NHSL1: variants seen among roughly 807,000 people sequenced by gnomAD.
NHSL1 encodes NHS-like protein 1.
In NHSL1, 48 loss-of-function variants were observed where a neutral mutation model predicts 95.0. That is an observed-to-expected ratio of 0.51 (90% CI 0.40 to 0.64). The LOEUF is 0.64. Among genes scored for constraint, NHSL1 ranks in the 30% least tolerant of loss-of-function variants. NHSL1 has a pLI of 0.00. For synonymous variants in NHSL1, 783 were observed against 833.9 expected, an observed-to-expected ratio of 0.94 and a Z score of 1.05; for missense variants, 1,971 against 2,077.7, an observed-to-expected ratio of 0.95 and a Z score of 1.00.
chr6:138,451,226 A>T (rs890583571), intron 3 of NHSL1, among the ~76,000 whole-genome samples: 1 of 152,010 alleles, frequency 6.6e-6, no homozygotes, highest in Non-Finnish European at 1.5e-5. Context: ...TGTACCTTGT[A>T]CCTTCCATGC....
intron 1 of NHSL1, among the ~76,000 whole-genome samples, chr6:138,673,010 C>A (rs2114766098): frequency 7.4e-6 from 1 of 135,064 alleles, no homozygotes; most frequent in South Asian, 2.7e-4. Flanking sequence ...AAGACTGTCT[C>A]ATAGATAGCT....
At chr6:138,668,979 T>C (rs1288581621) in intron 1 of NHSL1, among the ~76,000 whole-genome samples, 1 of 152,116 alleles carries the variant, frequency 6.6e-6, no homozygotes, top group Non-Finnish European at 1.5e-5. Context: ...GCAAGGGAAA[T>C]TGGCCTCATG....
intron 1 of NHSL1, among the ~76,000 whole-genome samples, chr6:138,515,813 T>C (rs530810819): frequency 2.0e-5 from 3 of 152,276 alleles, no homozygotes; most frequent in Admixed American, 1.3e-4. Flanking sequence ...GATGGGTAGG[T>C]AAACGTTTGC....
At chr6:138,429,592 G>A (rs879181350) in intron 7 of NHSL1, 119 bp downstream of exon 7, 69 of 883,008 alleles carry the variant, frequency 7.8e-5, no homozygotes, top group Non-Finnish European at 1.1e-4. Flanking sequence ...CAACAGTAAA[G>A]TTAAGGAGTT....
upstream of NHSL1, among the ~76,000 whole-genome samples, chr6:138,550,294 C>A (rs1034059550): frequency 6.6e-6 from 1 of 151,958 alleles, no homozygotes; most frequent in African/African-American, 2.4e-5. Flanking sequence ...AACTGTATGT[C>A]TGAGAATAAA....
chr6:138,475,154 A>G (rs1778989178), intron 2 of NHSL1, among the ~76,000 whole-genome samples: 1 of 151,964 alleles, frequency 6.6e-6, no homozygotes, highest in Non-Finnish European at 1.5e-5. Flanking sequence ...GGTCTCAAAA[A>G]AAAAAAAAAA....
chr6:138,503,692 A>T (rs1197474610), upstream of NHSL1, among the ~76,000 whole-genome samples: 1 of 152,162 alleles, frequency 6.6e-6, no homozygotes, highest in African/African-American at 2.4e-5. Flanking sequence ...CTCATGGCTT[A>T]AGCTACTGCC....
In NHSL1 at chr6:138,490,643, C is replaced by CT. The variant is rs1022350194; in HGVS notation, c.211+5575dup. ...ATTTTAGGAAAGGTAAATCATTCTC[C>CT]TTTTTTTTTTGAGACAGTCTCACTC... On this transcript the variant is annotated intron_variant, in intron 2 of 7. Transcript: ENST00000343505. 6.4e-4 allele frequency among the ~76,000 whole-genome samples: 95 copies of CT among 148,758 alleles called. 1 individual carries two copies. The highest frequency in any genetic ancestry group is 1.5e-3 in the African/African-American group (61 of 40,766).
intron 1 of NHSL1, among the ~76,000 whole-genome samples, chr6:138,654,520 T>A (rs984559712): frequency 4.6e-5 from 7 of 152,232 alleles, no homozygotes; most frequent in Non-Finnish European, 7.3e-5. Flanking sequence ...TCATATTTTT[T>A]AAATTATTTT....
intron 1 of NHSL1, among the ~76,000 whole-genome samples, chr6:138,583,838 A>G (rs1028443945): frequency 6.6e-6 from 1 of 152,134 alleles, no homozygotes; most frequent in Non-Finnish European, 1.5e-5. Flanking sequence ...CCACTGCAAC[A>G]ACTCAATCTG....
At chr6:138,637,689 C>G (rs1400921691) in intron 1 of NHSL1, among the ~76,000 whole-genome samples, 1 of 152,032 alleles carries the variant, frequency 6.6e-6, no homozygotes, top group Non-Finnish European at 1.5e-5. Context: ...ATCATCTCAC[C>G]CCAGTTAAGA....
intron 1 of NHSL1, among the ~76,000 whole-genome samples, chr6:138,662,547 C>T (rs960025328): frequency 5.9e-5 from 9 of 152,130 alleles, no homozygotes; most frequent in African/African-American, 2.2e-4. Flanking sequence ...TCTTACATAT[C>T]GTATTATGGC....
At chr6:138,691,834 A>C (rs546971892) in intron 1 of NHSL1, 2 of 451,492 alleles carry the variant, frequency 4.4e-6, no homozygotes, top group Non-Finnish European at 8.9e-6. Context: ...AATGGGATTC[A>C]GAGCCTGAAC....
upstream of NHSL1, among the ~76,000 whole-genome samples, chr6:138,547,329 T>TAAAA (rs11314239): frequency 6.8e-6 from 1 of 146,646 alleles, no homozygotes; most frequent in Non-Finnish European, 1.5e-5. Flanking sequence ...TAGTTAGGAT[T>TAAAA]AAAAAAAAAA....
At chr6:138,659,710 G>A (rs1004397307) in intron 1 of NHSL1, among the ~76,000 whole-genome samples, 2 of 127,234 alleles carry the variant, frequency 1.6e-5, no homozygotes, top group Non-Finnish European at 3.2e-5. Flanking sequence ...TTCCTACCAC[G>A]TTTTTTTTTT....
Position 138,504,765 on chromosome 6 carries a change from C to T in NHSL1, c.17-8394G>A, listed in dbSNP as rs568940472. Reference sequence around the variant, plus strand: ...GACAAGTAGGTTTGAATAGGATTGACCAGAGGCGGGGAGAGAAAATGGTGC... The same window carrying T: ...GACAAGTAGGTTTGAATAGGATTGATCAGAGGCGGGGAGAGAAAATGGTGC... On this transcript the variant is annotated intron_variant, in intron 1 of 4. Coordinates refer to the NHSL1 transcript ENST00000342260. 2.0e-5 allele frequency among the ~76,000 whole-genome samples: 3 copies of T among 152,248 alleles called. No individual in the cohort carries two copies. In the East Asian group the frequency reaches 5.8e-4, roughly 29 times the overall value.
intron 1 of NHSL1, among the ~76,000 whole-genome samples, chr6:138,545,137 C>T (rs948173402): frequency 1.7e-4 from 26 of 151,798 alleles, no homozygotes; most frequent in Admixed American, 4.6e-4. Flanking sequence ...ATTACAGGCA[C>T]CCGCCACCAC....
intron 1 of NHSL1, among the ~76,000 whole-genome samples, chr6:138,677,547 G>A (rs539385541): frequency 1.3e-5 from 2 of 152,274 alleles, no homozygotes; most frequent in Admixed American, 6.5e-5. Context: ...ACTGTTGCAC[G>A]ATAATGAAGC....
At chr6:138,498,779 T>C (rs1051430505) in intron 1 of NHSL1, among the ~76,000 whole-genome samples, 2 of 152,128 alleles carry the variant, frequency 1.3e-5, no homozygotes, top group African/African-American at 2.4e-5. Context: ...CAGGGGATTA[T>C]CTCCACCAGA....
Sources: allele counts gnomAD v4.1 joint callset (sites outside exome capture counted in the v4.1 genomes callset), GRCh38; gene constraint gnomAD v4.1.1; transcripts MANE v1.5; gene names NCBI Gene and HGNC (gene_info 2026-07-23, HGNC 2026-07-21).